ZNF496: variants seen among roughly 807,000 people sequenced by gnomAD.
ZNF496 encodes the protein zinc finger protein 496.
In ZNF496, 11 loss-of-function variants were observed where a neutral mutation model predicts 58.9. The ratio of observed to expected loss-of-function variants is 0.19; its 90% CI spans 0.12 to 0.31. ZNF496 has a LOEUF of 0.31. ZNF496 is among the 10% of genes least tolerant of loss of function. The pLI is 1.00. For missense variants in ZNF496, 660 were observed against 783.0 expected (o/e 0.84, Z 1.88); for synonymous variants, 338 against 318.2 (o/e 1.06, Z -0.66).
intron 5 of ZNF496, among the ~76,000 whole-genome samples, chr1:247,328,054 G>A (rs1572096285): frequency 6.6e-6 from 1 of 152,194 alleles, no homozygotes; most frequent in African/African-American, 2.4e-5. Flanking sequence ...AAGAAACTGA[G>A]GCTTTCAGAG....
At chr1:247,322,410 A>G (rs550466609) in intron 6 of ZNF496, among the ~76,000 whole-genome samples, 14 of 152,338 alleles carry the variant, frequency 9.2e-5, no homozygotes, top group African/African-American at 3.4e-4. Context: ...CTGTTGGGTA[A>G]GGAGCAACTA....
Position 247,300,712 on chromosome 1 carries a change from C to T in ZNF496, c.1571G>A (p.Cys524Tyr), listed in dbSNP as rs773697495. The T allele has an allele frequency of 1.9e-6, 3 of 1,613,972 alleles. No individual in the cohort carries two copies. The highest frequency in any genetic ancestry group is 2.2e-5 in the South Asian group (2 of 91,076). ...CTGGAAGGCCTTCCCACACTCACAG[C>T]ACTGGAAGCTCAGTTTGGCCTTGCC... ...ENGKAKLSFQ[C>Y]CECGKAFQRH... Residue 524 changes from cysteine to tyrosine, a missense_variant, in exon 10 of 10, where the codon TGC becomes TAC. Cys to Tyr is a radical substitution (Grantham distance 194, BLOSUM62 -2). Coordinates refer to ENST00000682384, the MANE Select transcript of ZNF496 (RefSeq NM_032752.3). The surrounding 1 kb of genome is among the most constrained non-coding windows in gnomAD (Gnocchi z 5.7).
intron 7 of ZNF496, chr1:247,310,117 C>T (rs1659545750): frequency 1.6e-5 from 23 of 1,431,052 alleles, no homozygotes; most frequent in Non-Finnish European, 1.7e-5. Flanking sequence ...CCTGATGTGG[C>T]GAGACAGCAG....
chr1:247,309,962 G>A lies in ZNF496; in HGVS notation c.785-156C>T. 7.6e-7 allele frequency: 1 copy of A among 1,318,778 alleles called. No individual in the cohort carries two copies. Among genetic ancestry groups the A allele is most frequent in the Non-Finnish European group, 1.0e-6 (1 of 986,386 alleles). 81.7% of individuals were successfully genotyped at this position (1,318,778 alleles called of 1,614,324 possible). A position where few individuals can be genotyped will look rare whatever the true frequency, so the allele number is the denominator to read the frequency against. ...GGCCAGAGCTGGCAGTGCAGGGGCA[G>A]TGGGGGCAGCACACGCAGGGAGAGC... On this transcript the variant is annotated intron_variant, in intron 7 of 9. Transcript: ENST00000682384. This position sits in a 1 kb window ranked among gnomAD's most constrained non-coding sequence, Gnocchi z 4.3.
At chr1:247,327,241 T>G (rs1317382085) in intron 5 of ZNF496, among the ~76,000 whole-genome samples, 1 of 152,204 alleles carries the variant, frequency 6.6e-6, no homozygotes, top group African/African-American at 2.4e-5. Context: ...ATTTTGTATT[T>G]TTAGTAGCGA....
chr1:247,328,549 G>T, intron 5 of ZNF496, 134 bp downstream of exon 5: 1 of 931,008 alleles, frequency 1.1e-6, no homozygotes, highest in Non-Finnish European at 1.5e-6. Context: ...CCTGACAACA[G>T]CTCACAGCAC....
intron 9 of ZNF496, among the ~76,000 whole-genome samples, chr1:247,302,698 T>C (rs1055719456): frequency 3.9e-5 from 6 of 152,056 alleles, no homozygotes; most frequent in African/African-American, 1.4e-4. Context: ...GGAACCTCGT[T>C]CCAGCCAGAC....
At chr1:247,310,800 T>C (rs933000440) in intron 6 of ZNF496, 1 of 207,496 alleles carries the variant, frequency 4.8e-6, no homozygotes, top group African/African-American at 2.3e-5. Context: ...CTCCACTTCC[T>C]AATACCATCA....
intron 6 of ZNF496, chr1:247,322,942 T>G: frequency 1.3e-6 from 1 of 741,864 alleles, no homozygotes; most frequent in African/African-American, 1.8e-5. Flanking sequence ...GGTGGCCTGA[T>G]GACAGTAGAC....
intron 6 of ZNF496, chr1:247,322,725 T>C: frequency 7.8e-7 from 1 of 1,290,190 alleles, no homozygotes; most frequent in Non-Finnish European, 1.0e-6. Context: ...GGACTGAAAT[T>C]ATCTGTGCTT....
rs566900706 is a variant in ZNF496, at chr1:247,330,035, C to T, written c.-107G>A. On this transcript the variant is annotated 5_prime_UTR_variant, in exon 3 of 10. Coordinates refer to ENST00000682384, the MANE Select transcript of ZNF496 (RefSeq NM_032752.3). ...CAAGCAGGCCACTATCTTGAAGCTC[C>T]GGAGCCGAAGTCACTGTTCTTGTTA... is the stretch of plus-strand genomic sequence containing the variant. 361 of 157,458 alleles carry T rather than the reference C, an allele frequency of 2.3e-3. No individual in the cohort carries two copies. Among genetic ancestry groups the T allele is most frequent in the Middle Eastern group, 3.2e-3 (1 of 312 alleles). 9.8% of individuals were successfully genotyped at this position (157,458 alleles called of 1,614,324 possible).
At position 247,308,658 on chromosome 1, in the gene ZNF496, C is replaced by T. The variant is rs1028165816; in HGVS notation, c.893-70G>A. The stretch of plus-strand genomic sequence containing the variant: ...CAGCACTACCTGGGAGGGTGCTATC[C>T]GAATAGATGCCAGGCTACGATCTGG... On this transcript the variant is annotated intron_variant, in intron 8 of 9. Coordinates refer to ENST00000682384, the MANE Select transcript of ZNF496 (RefSeq NM_032752.3). This position sits in a 1 kb window ranked among gnomAD's most constrained non-coding sequence, Gnocchi z 4.5. 2.3e-5 allele frequency: 32 copies of T among 1,418,824 alleles called. No homozygotes were observed. The highest frequency in any genetic ancestry group is 3.5e-5 in the South Asian group (3 of 85,200). 87.9% of individuals were successfully genotyped at this position (1,418,824 alleles called of 1,614,324 possible).
At chr1:247,306,796 C>T (rs931365934) in intron 9 of ZNF496, among the ~76,000 whole-genome samples, 5 of 152,162 alleles carry the variant, frequency 3.3e-5, no homozygotes, top group African/African-American at 4.8e-5. Context: ...CCACTGCGCC[C>T]AGCCTGAGTT....
chr1:247,300,723 C>G lies in ZNF496; in HGVS notation c.1560G>C (p.Leu520=). Residue 520 remains leucine (L), a synonymous_variant, in exon 10 of 10, where the codon CTG becomes CTC. Transcript: ENST00000682384. This position sits in a 1 kb window ranked among gnomAD's most constrained non-coding sequence, Gnocchi z 5.7. The part of the protein sequence containing the change: ...KEPLENGKAK[L]SFQCCECGKA... ...TCCCACACTCACAGCACTGGAAGCT[C>G]AGTTTGGCCTTGCCGTTTTCCAGCG... 4 of 1,613,280 alleles carry G rather than the reference C, an allele frequency of 2.5e-6. No homozygotes were observed. The highest frequency in any genetic ancestry group is 3.4e-6 in the Non-Finnish European group (4 of 1,179,408).
At chr1:247,315,922 C>G (rs1473882443) in intron 6 of ZNF496, among the ~76,000 whole-genome samples, 1 of 152,124 alleles carries the variant, frequency 6.6e-6, no homozygotes, top group Non-Finnish European at 1.5e-5. Context: ...CTAAGTGGAT[C>G]TGCTGCTCGG....
chr1:247,330,375 C>T (rs369682536), intron 2 of ZNF496, among the ~76,000 whole-genome samples: 1 of 152,236 alleles, frequency 6.6e-6, no homozygotes, highest in Non-Finnish European at 1.5e-5. Flanking sequence ...TATTCTCTAT[C>T]CTTGCCCTCT....
At position 247,323,134 on chromosome 1, in the gene ZNF496, C is replaced by G. The variant is rs1299542843; in HGVS notation, c.651+20G>C. On this transcript the variant is annotated intron_variant, in intron 6 of 9. Transcript: ENST00000682384. ...GAGGCAAACAGGGGATTTTCAAGGA[C>G]TCCTGTAGAAACCACTCACCGGGGG... is the stretch of plus-strand genomic sequence containing the variant. 19 of 1,608,266 alleles carry G rather than the reference C, an allele frequency of 1.2e-5. No homozygotes were observed. The highest frequency in any genetic ancestry group is 1.6e-5 in the Non-Finnish European group (19 of 1,175,242).
At chr1:247,315,082 TA>T (rs397983655) in intron 6 of ZNF496, among the ~76,000 whole-genome samples, 4 of 122,834 alleles carry the variant, frequency 3.3e-5, no homozygotes, top group Non-Finnish European at 5.2e-5. Context: ...TTTTTTTTTT[TA>T]AAAAAAGCAA....
At chr1:247,315,603 C>T (rs953907301) in intron 6 of ZNF496, among the ~76,000 whole-genome samples, 7 of 151,612 alleles carry the variant, frequency 4.6e-5, no homozygotes, top group Non-Finnish European at 8.8e-5. Flanking sequence ...CTGCATCTAA[C>T]TGAAGATTTG....
Sources: allele counts gnomAD v4.1 joint callset (sites outside exome capture counted in the v4.1 genomes callset), GRCh38; gene constraint gnomAD v4.1.1; non-coding constraint Gnocchi (gnomAD v3.1); transcripts MANE v1.5; gene names NCBI Gene and HGNC (gene_info 2026-07-23, HGNC 2026-07-21).